Variants in NLGN4X observed in about 807,000 individuals in gnomAD.
NLGN4X encodes neuroligin-4, X-linked.
NLGN4X carries 3 observed loss-of-function variants against 40.3 expected under a neutral mutation model. The ratio of observed to expected loss-of-function variants is 0.07; its 90% CI spans 0.03 to 0.19. The LOEUF is 0.19. Ranked by LOEUF, NLGN4X falls within the 10% of genes least tolerant of loss-of-function variation. The probability of loss-of-function intolerance (pLI) is 1.00; values close to 1 mark genes in which losing one functional copy is unlikely to be tolerated. For synonymous variants in NLGN4X, 270 were observed against 306.8 expected (o/e 0.88, Z 1.25); for missense variants, 382 against 708.3 (o/e 0.54, Z 5.23).
chrX:5,911,764 TCAGA>T (rs766553415), intron 3 of NLGN4X, among the ~76,000 whole-genome samples: 1 of 112,256 alleles, frequency 8.9e-6, no homozygotes, highest in South Asian at 3.7e-4. Context: ...CTTACAATAG[TCAGA>T]CAATTATGAC....
intron 2 of NLGN4X, among the ~76,000 whole-genome samples, chrX:6,143,313 T>C (rs1409499474): frequency 1.8e-5 from 2 of 111,898 alleles, no homozygotes; most frequent in Non-Finnish European, 3.8e-5. Context: ...CAAGTTTTGG[T>C]TGGAGGAGGA....
intron 1 of NLGN4X, among the ~76,000 whole-genome samples, chrX:6,197,353 C>T (rs769652617): frequency 9.1e-6 from 1 of 110,278 alleles, no homozygotes; most frequent in Admixed American, 9.6e-5. Context: ...CCTCAACCTC[C>T]CAGGCTCAAG....
At chrX:6,193,900 A>T (rs1255103843) in intron 1 of NLGN4X, among the ~76,000 whole-genome samples, 1 of 112,549 alleles carries the variant, frequency 8.9e-6, no homozygotes, top group Non-Finnish European at 1.9e-5. Context: ...AAAATGTGTG[A>T]AAAGAACCAA....
chrX:6,187,835 CTG>C (rs1922205329), intron 1 of NLGN4X: 1 of 111,733 alleles, frequency 8.9e-6, no homozygotes, highest in South Asian at 3.8e-4. Context: ...AATGGGAAAA[CTG>C]AAACTGTTGC....
In NLGN4X at chrX:5,891,581, GCCCC is replaced by G. The variant is rs1187024156; in HGVS notation, c.*1232_*1235del. 1 of 252,508 alleles carries G rather than the reference GCCCC, an allele frequency of 4.0e-6. No individual in the cohort carries two copies. Among genetic ancestry groups the G allele is most frequent in the Admixed American group, 5.2e-5 (1 of 19,257 alleles). 20.8% of individuals were successfully genotyped at this position (252,508 alleles called of 1,213,427 possible). A position where few individuals can be genotyped will look rare whatever the true frequency, so the allele number is the denominator to read the frequency against. ...AGCCGTATTTACTCCAAGGGGCATA[GCCCC>G]ACCAAAGGCAAGCTTTCTTCTTTTT... On this transcript the variant is annotated 3_prime_UTR_variant, in exon 6 of 6. Coordinates refer to ENST00000381095, the MANE Select transcript of NLGN4X (RefSeq NM_181332.3).
chrX:6,094,694 A>G (rs1212202195), intron 2 of NLGN4X, among the ~76,000 whole-genome samples: 1 of 111,539 alleles, frequency 9.0e-6, no homozygotes, highest in Non-Finnish European at 1.9e-5. Context: ...ATTTCTACAA[A>G]TGAATGTAGT....
chrX:6,196,581 A>AAAAAT (rs1923110091), intron 1 of NLGN4X, among the ~76,000 whole-genome samples: 1 of 102,117 alleles, frequency 9.8e-6, no homozygotes, highest in African/African-American at 3.7e-5. Flanking sequence ...AAAAAAAAAA[A>AAAAAT]GTGTCTCATG....
At chrX:5,897,630 C>G (rs747673629) in intron 5 of NLGN4X, among the ~76,000 whole-genome samples, 2 of 111,772 alleles carry the variant, frequency 1.8e-5, no homozygotes, top group South Asian at 7.5e-4. Context: ...TGGGCAACTG[C>G]TTCCCTATTC....
At chrX:5,964,529 C>T (rs1035491187) in intron 3 of NLGN4X, among the ~76,000 whole-genome samples, 3 of 112,042 alleles carry the variant, frequency 2.7e-5, no homozygotes, top group African/African-American at 9.7e-5. Flanking sequence ...TTTTCTGAAA[C>T]ATGGTCTCAC....
chrX:5,900,942 C>T (rs1422619222), intron 5 of NLGN4X, among the ~76,000 whole-genome samples: 3 of 111,283 alleles, frequency 2.7e-5, no homozygotes, highest in Non-Finnish European at 5.7e-5. Context: ...ACAAGGTTTA[C>T]TTTAAAAAAA....
intron 2 of NLGN4X, among the ~76,000 whole-genome samples, chrX:6,044,133 A>ATAAATAAATAAATAAC (rs1342341154): frequency 2.1e-5 from 2 of 97,533 alleles, no homozygotes; most frequent in Admixed American, 1.1e-4. Flanking sequence ...AAATAAATAA[A>ATAAATAAATAAATAAC]TAACAAAATC....
intron 3 of NLGN4X, among the ~76,000 whole-genome samples, chrX:6,006,700 C>T (rs912631522): frequency 2.7e-5 from 3 of 111,492 alleles, no homozygotes; most frequent in Non-Finnish European, 5.6e-5. Flanking sequence ...CAAAAGATTA[C>T]CAACTTTATT....
chrX:6,211,119 CT>C, intron 1 of NLGN4X, among the ~76,000 whole-genome samples: 1 of 112,037 alleles, frequency 8.9e-6, no homozygotes, highest in East Asian at 2.8e-4. Flanking sequence ...TCTTCTCTGC[CT>C]TTTTTTATCA....
intron 3 of NLGN4X, among the ~76,000 whole-genome samples, chrX:5,962,723 G>A (rs1307893137): frequency 9.0e-6 from 1 of 111,644 alleles, no homozygotes; most frequent in African/African-American, 3.3e-5. Context: ...AGATCATGAG[G>A]ATGGAGTACT....
intron 3 of NLGN4X, among the ~76,000 whole-genome samples, chrX:6,011,366 A>AATATATAT (rs10584166): frequency 2.0e-5 from 2 of 101,456 alleles, no homozygotes; most frequent in Non-Finnish European, 4.0e-5. Flanking sequence ...CAAATTCAGA[A>AATATATAT]ATATATATAT....
chrX:6,117,598 G>A (rs1342309569), intron 2 of NLGN4X, among the ~76,000 whole-genome samples: 1 of 111,369 alleles, frequency 9.0e-6, no homozygotes, highest in Non-Finnish European at 1.9e-5. Flanking sequence ...TCCTGGGCAT[G>A]AAACAAATGG....
chrX:5,995,019 C>T (rs1375629652), intron 3 of NLGN4X, among the ~76,000 whole-genome samples: 1 of 112,331 alleles, frequency 8.9e-6, no homozygotes, highest in Non-Finnish European at 1.9e-5. Context: ...TTTGAGAATA[C>T]TTTTGGCAAT....
chrX:6,095,108 T>C (rs1322699606), intron 2 of NLGN4X, among the ~76,000 whole-genome samples: 76 of 25,327 alleles, frequency 3.0e-3, no homozygotes, highest in African/African-American at 0.011. Flanking sequence ...CGTGCGTGTG[T>C]GTGTGTGTGT....
intron 2 of NLGN4X, chrX:6,061,892 T>C (rs1465556452): frequency 2.7e-5 from 3 of 111,948 alleles, no homozygotes; most frequent in African/African-American, 9.7e-5. Context: ...CCTCGTATTA[T>C]TACCAATCTC....
Sources: allele counts gnomAD v4.1 joint callset (sites outside exome capture counted in the v4.1 genomes callset), GRCh38; gene constraint gnomAD v4.1.1; transcripts MANE v1.5; gene names NCBI Gene and HGNC (gene_info 2026-07-23, HGNC 2026-07-21).